TIPIN: variants seen among roughly 807,000 people sequenced by gnomAD.
TIPIN encodes TIMELESS interacting protein.
In TIPIN, 29 loss-of-function variants were observed where a neutral mutation model predicts 35.6. The observed-to-expected ratio is 0.82, with a 90% CI of 0.61 to 1.11. TIPIN has a LOEUF of 1.11. Among genes scored for constraint, TIPIN ranks in the 50% most tolerant of loss-of-function variants. TIPIN has a pLI of 0.00. For missense variants in TIPIN, 296 were observed against 345.4 expected (o/e 0.86, Z 1.13); for synonymous variants, 102 against 121.5 (o/e 0.84, Z 1.06).
intron 1 of TIPIN, among the ~76,000 whole-genome samples, chr15:66,381,487 TG>T (rs1190059779): frequency 1.3e-5 from 2 of 152,074 alleles, no homozygotes; most frequent in Admixed American, 6.6e-5. Flanking sequence ...CTAGAAGTAC[TG>T]TTAAAAAATA....
chr15:66,359,389 A>G (rs1014343876), upstream of TIPIN, among the ~76,000 whole-genome samples: 1 of 152,022 alleles, frequency 6.6e-6, no homozygotes, highest in Admixed American at 6.6e-5. Flanking sequence ...TCTGTCACCC[A>G]GGGTGGAGTG....
intron 1 of TIPIN, among the ~76,000 whole-genome samples, chr15:66,374,656 C>T (rs542905855): frequency 2.0e-5 from 3 of 152,056 alleles, no homozygotes; most frequent in Non-Finnish European, 2.9e-5. Flanking sequence ...CTCGGATCAC[C>T]GCAACCTCTA....
chr15:66,343,429 A>G (rs2093102184), intron 6 of TIPIN, among the ~76,000 whole-genome samples: 1 of 152,194 alleles, frequency 6.6e-6, no homozygotes, highest in Non-Finnish European at 1.5e-5. Context: ...CTAATTATAG[A>G]AAAACTATCA....
intron 6 of TIPIN, 134 bp downstream of exon 6, chr15:66,348,926 C>T (rs992940940): frequency 1.5e-6 from 1 of 682,418 alleles, no homozygotes; most frequent in Non-Finnish European, 2.5e-6. Context: ...GACTGGGTGA[C>T]AGAGCAAGAT....
intron 1 of TIPIN, among the ~76,000 whole-genome samples, chr15:66,364,162 T>TC (rs1488734053): frequency 7.5e-6 from 1 of 132,472 alleles, no homozygotes; most frequent in Admixed American, 7.4e-5. Flanking sequence ...TCTTTTCTTT[T>TC]TTTTTTTTTT....
At chr15:66,361,445 C>T (rs1295029889), upstream of TIPIN, among the ~76,000 whole-genome samples, 5 of 150,834 alleles carry the variant, frequency 3.3e-5, no homozygotes, top group African/African-American at 9.7e-5. Context: ...TTAGTAGAGA[C>T]GGGGTTTCAC....
intron 4 of TIPIN, among the ~76,000 whole-genome samples, chr15:66,350,677 C>T (rs1474569728): frequency 6.6e-6 from 1 of 151,324 alleles, no homozygotes; most frequent in East Asian, 1.9e-4. Context: ...CGCCTGTAAT[C>T]CCAGCACTTT....
intron 1 of TIPIN, among the ~76,000 whole-genome samples, chr15:66,370,058 C>A (rs1195797556): frequency 6.6e-6 from 1 of 152,134 alleles, no homozygotes; most frequent in Non-Finnish European, 1.5e-5. Flanking sequence ...TACTCTCAAA[C>A]CAGACTTGAA....
upstream of TIPIN, among the ~76,000 whole-genome samples, chr15:66,360,234 A>C (rs2140477330): frequency 6.6e-6 from 1 of 152,244 alleles, no homozygotes; most frequent in Admixed American, 6.6e-5. Flanking sequence ...CTAAAAAATA[A>C]AAATAAAAGT....
At chr15:66,352,270 A>G (rs1395470577) in intron 2 of TIPIN, 63 bp from the exon 3 acceptor site, 4 of 1,284,672 alleles carry the variant, frequency 3.1e-6, no homozygotes, top group Non-Finnish European at 3.3e-6. Flanking sequence ...TTTATTATGT[A>G]TCATTTCCAA....
At chr15:66,363,950 T>C (rs1451468357) in intron 1 of TIPIN, among the ~76,000 whole-genome samples, 1 of 144,284 alleles carries the variant, frequency 6.9e-6, no homozygotes, top group Admixed American at 6.9e-5. Context: ...ACCACTGCAC[T>C]CCAGCCTGGG....
chr15:66,378,159 T>C (rs1388306673), intron 1 of TIPIN, among the ~76,000 whole-genome samples: 1 of 152,170 alleles, frequency 6.6e-6, no homozygotes, highest in Non-Finnish European at 1.5e-5. Context: ...TATGCAACCA[T>C]GTCCGGCTAA....
At chr15:66,350,466 G>A (rs1391658019) in intron 4 of TIPIN, among the ~76,000 whole-genome samples, 2 of 151,594 alleles carry the variant, frequency 1.3e-5, no homozygotes, top group South Asian at 4.2e-4. Flanking sequence ...TTAGTTGGGC[G>A]TGGTGGTGGG....
intron 6 of TIPIN, among the ~76,000 whole-genome samples, chr15:66,342,456 C>G (rs1426653433): frequency 6.6e-6 from 1 of 152,084 alleles, no homozygotes; most frequent in African/African-American, 2.4e-5. Flanking sequence ...CTCCGCCTCC[C>G]AGATTCATGT....
intron 1 of TIPIN, among the ~76,000 whole-genome samples, chr15:66,354,554 A>G (rs2093190947): frequency 6.6e-6 from 1 of 152,138 alleles, no homozygotes; most frequent in Non-Finnish European, 1.5e-5. Flanking sequence ...AAAGCTGATC[A>G]CCTCACTTGG....
Position 66,352,162 on chromosome 15 carries a change from A to G in TIPIN, c.179T>C (p.Val60Ala). 1 of 1,610,992 alleles carries G rather than the reference A, an allele frequency of 6.2e-7. No homozygotes were observed. The highest frequency in any genetic ancestry group is 1.1e-5 in the South Asian group (1 of 90,322). ...APVRVPPKRT[V>A]KRNIPKLDAQ... Reference sequence around the variant, plus strand: ...ATCCAGCTTGGGTATATTTCTTTTAACTGTTCTCTTTGGAGGTACACGAAC... The same window carrying G: ...ATCCAGCTTGGGTATATTTCTTTTAGCTGTTCTCTTTGGAGGTACACGAAC... Residue 60 changes from valine to alanine, a missense_variant, in exon 3 of 8, where the codon GTT (valine) becomes GCT (alanine). Physicochemically the swap from Val to Ala is moderately conservative, Grantham distance 64. Transcript: ENST00000261881.
intron 1 of TIPIN, among the ~76,000 whole-genome samples, chr15:66,364,714 C>A (rs2093246403): frequency 6.6e-6 from 1 of 151,958 alleles, no homozygotes; most frequent in Non-Finnish European, 1.5e-5. Context: ...CACTTCTAAT[C>A]CCAGCACTTT....
chr15:66,340,013 G>GTGCA (rs2093073966), intron 7 of TIPIN, among the ~76,000 whole-genome samples: 1 of 150,896 alleles, frequency 6.6e-6, no homozygotes, highest in Non-Finnish European at 1.5e-5. Context: ...GGGTTTACAG[G>GTGCA]CAGGTACACA....
At chr15:66,371,763 C>T (rs113872287) in intron 1 of TIPIN, among the ~76,000 whole-genome samples, 33,388 of 151,804 alleles carry the variant, frequency 0.22, 4,260 homozygotes, top group Middle Eastern at 0.33. Flanking sequence ...GTGATCCGCC[C>T]GCCTCAGCCT....
Sources: gnomAD v4.1 joint callset for allele counts (sites outside exome capture counted in the v4.1 genomes callset) on GRCh38, gnomAD v4.1.1 for gene constraint, MANE v1.5 for transcripts, NCBI Gene and HGNC (gene_info 2026-07-23, HGNC 2026-07-21) for gene names.